CLUAP1: variants seen among roughly 807,000 people sequenced by gnomAD.
The protein encoded by CLUAP1 is intraflagellar transport 38.
Under a neutral mutation model 55.0 loss-of-function variants are expected in CLUAP1, and 50 were observed. That is an observed-to-expected ratio of 0.91 (90% confidence interval 0.72 to 1.15). CLUAP1 has a LOEUF of 1.15. CLUAP1 is among the 50% of genes most tolerant of loss of function. The probability of loss-of-function intolerance (pLI) is 0.00; values close to 1 mark genes in which losing one functional copy is unlikely to be tolerated. For synonymous variants in CLUAP1, 195 were observed against 175.4 expected (o/e 1.11, Z -0.88); for missense variants, 530 against 507.6 (o/e 1.04, Z -0.42).
Position 3,503,498 on chromosome 16 carries a change from T to A in CLUAP1, c.23-1222T>A, listed in dbSNP as rs1235534533. 2.0e-5 allele frequency among the ~76,000 whole-genome samples: 3 copies of A among 152,106 alleles called. No individual in the cohort carries two copies. The East Asian group carries it at 5.8e-4, about 29-fold the overall frequency. ...TTTTAGTAGAGGTGGGGTTTCACCATTTTGGTCAGGCTGGTCTTGAACTCC... is the reference window on the plus strand; with the variant it reads ...TTTTAGTAGAGGTGGGGTTTCACCAATTTGGTCAGGCTGGTCTTGAACTCC... On this transcript the variant is annotated intron_variant, in intron 1 of 11. Transcript: ENST00000576634.
chr16:3,500,725 C>T (rs1372355990), upstream of CLUAP1, among the ~76,000 whole-genome samples: 2 of 152,182 alleles, frequency 1.3e-5, no homozygotes, highest in Non-Finnish European at 2.9e-5. Context: ...ATGGAAAGCG[C>T]CTAGCGCAAT....
intron 10 of CLUAP1, among the ~76,000 whole-genome samples, chr16:3,530,947 C>T (rs1452041724): frequency 6.6e-6 from 1 of 152,138 alleles, no homozygotes; most frequent in African/African-American, 2.4e-5. Context: ...ATTGCCTCTG[C>T]CACTCTCAGT....
At chr16:3,523,698 C>T (rs534371488) in intron 8 of CLUAP1, among the ~76,000 whole-genome samples, 24 of 152,286 alleles carry the variant, frequency 1.6e-4, no homozygotes, top group African/African-American at 5.5e-4. Flanking sequence ...GTCTCGAGTG[C>T]AGATTTAAAA....
chr16:3,503,468 T>A (rs1399135028), intron 1 of CLUAP1, among the ~76,000 whole-genome samples: 1 of 152,204 alleles, frequency 6.6e-6, no homozygotes, highest in East Asian at 1.9e-4. Context: ...CGGCAACTTT[T>A]GTATTTTTAG....
At position 3,538,750 on chromosome 16, in the gene CLUAP1, T is replaced by A. The variant is rs1193312575; in HGVS notation, c.*2479T>A. On this transcript the variant is annotated 3_prime_UTR_variant, in exon 12 of 12. Coordinates refer to ENST00000576634, the MANE Select transcript of CLUAP1 (RefSeq NM_015041.3). ...CCTTGCTTGAGCACGGAAGTTTCTG[T>A]CAACAGCAAGCTTTATGTGCTCTAT... 1.3e-5 allele frequency: 2 copies of A among 152,196 alleles called. No homozygotes were observed. Among genetic ancestry groups the A allele is most frequent in the African/African-American group, 2.4e-5 (1 of 41,438 alleles). 9.4% of individuals were successfully genotyped at this position (152,196 alleles called of 1,614,324 possible).
chr16:3,515,836 A>G (rs2037720049), intron 6 of CLUAP1, among the ~76,000 whole-genome samples: 1 of 152,198 alleles, frequency 6.6e-6, no homozygotes, highest in Admixed American at 6.5e-5. Flanking sequence ...TTTGATAATT[A>G]TCAGTTATTC....
At chr16:3,519,151 A>C (rs1010131198) in intron 6 of CLUAP1, among the ~76,000 whole-genome samples, 9 of 152,142 alleles carry the variant, frequency 5.9e-5, no homozygotes, top group Non-Finnish European at 1.3e-4. Context: ...ACCTGCTTCA[A>C]ATGAACCTTC....
chr16:3,511,908 C>T (rs770952073), intron 4 of CLUAP1, among the ~76,000 whole-genome samples: 57 of 151,246 alleles, frequency 3.8e-4, no homozygotes, highest in Non-Finnish European at 5.9e-4. Flanking sequence ...TGTGGCTGGC[C>T]GGGCACGGTG....
Position 3,536,388 on chromosome 16 carries a change from C to A in CLUAP1, c.*117C>A. ...TTACTAAGCTGGCTGGACTCATGAT[C>A]ACTGAAGCAATACTTATTTCTGCTT... On this transcript the variant is annotated 3_prime_UTR_variant, in exon 12 of 12. Coordinates refer to ENST00000576634, the MANE Select transcript of CLUAP1 (RefSeq NM_015041.3). The A allele has an allele frequency of 1.9e-6, 2 of 1,063,582 alleles. No homozygotes were observed. Among genetic ancestry groups the A allele is most frequent in the Non-Finnish European group, 2.7e-6 (2 of 732,898 alleles). 65.9% of individuals were successfully genotyped at this position (1,063,582 alleles called of 1,614,324 possible). A position where few individuals can be genotyped will look rare whatever the true frequency, so the allele number is the denominator to read the frequency against.
chr16:3,531,977 T>TA (rs2038129578), intron 10 of CLUAP1, among the ~76,000 whole-genome samples: 1 of 152,250 alleles, frequency 6.6e-6, no homozygotes, highest in Non-Finnish European at 1.5e-5. Flanking sequence ...TAGCTGGGGT[T>TA]ACAGGCCCGT....
At chr16:3,509,682 G>A (rs1430340304) in intron 4 of CLUAP1, among the ~76,000 whole-genome samples, 1 of 152,226 alleles carries the variant, frequency 6.6e-6, no homozygotes, top group Non-Finnish European at 1.5e-5. Flanking sequence ...CTAAGAGTGT[G>A]GCCACGCAGG....
chr16:3,515,239 A>C, intron 5 of CLUAP1: 2 of 272,188 alleles, frequency 7.3e-6, no homozygotes, highest in South Asian at 2.2e-4. Context: ...AGAAAAGATA[A>C]TGGATGCTAA....
chr16:3,532,912 G>A lies in CLUAP1; in HGVS notation c.1092+71G>A, dbSNP rs756794532. 8 of 1,556,766 alleles carry A rather than the reference G, an allele frequency of 5.1e-6. No individual in the cohort carries two copies. In the African/African-American group the frequency reaches 8.1e-5, roughly 16 times the overall value. On this transcript the variant is annotated intron_variant, in intron 11 of 11. Transcript: ENST00000576634. ...GCTGTCCCCATAGATGGGAGTGGCT[G>A]AGTTGCTGTCAGCAGCCAGGGAGCC...
intron 8 of CLUAP1, among the ~76,000 whole-genome samples, chr16:3,523,556 G>A (rs895866704): frequency 6.6e-6 from 1 of 152,226 alleles, no homozygotes; most frequent in Non-Finnish European, 1.5e-5. Context: ...CATGAGGCCT[G>A]TGTGGCTGCG....
chr16:3,499,957 C>T (rs556709018), upstream of CLUAP1, among the ~76,000 whole-genome samples: 122 of 152,264 alleles, frequency 8.0e-4, no homozygotes, highest in Non-Finnish European at 1.4e-3. Flanking sequence ...CATAAGGAAG[C>T]CCCCTCTGCT....
At chr16:3,515,411 C>G (rs976696602) in intron 5 of CLUAP1, 97 bp from the exon 6 acceptor site, 2 of 804,972 alleles carry the variant, frequency 2.5e-6, no homozygotes, top group South Asian at 3.4e-5. Flanking sequence ...CAATAAACTT[C>G]GGAGAATCAG....
At chr16:3,512,241 A>T in intron 4 of CLUAP1, 142 bp from the exon 5 acceptor site, 1 of 596,616 alleles carries the variant, frequency 1.7e-6, no homozygotes, top group Non-Finnish European at 3.0e-6. Context: ...TCTGCCTATA[A>T]TCCCAACACT....
chr16:3,515,189 C>G (rs1176624109), intron 5 of CLUAP1, among the ~76,000 whole-genome samples: 1 of 148,432 alleles, frequency 6.7e-6, no homozygotes, highest in African/African-American at 2.5e-5. Context: ...GACCCTATCT[C>G]TATTTAAAAA....
At chr16:3,524,126 C>T (rs2037892744) in intron 8 of CLUAP1, among the ~76,000 whole-genome samples, 1 of 151,456 alleles carries the variant, frequency 6.6e-6, no homozygotes, top group African/African-American at 2.4e-5. Flanking sequence ...TAATGAGACC[C>T]TGTCTCTACA....
Sources: allele counts gnomAD v4.1 joint callset (sites outside exome capture counted in the v4.1 genomes callset), GRCh38; gene constraint gnomAD v4.1.1; transcripts MANE v1.5; gene names NCBI Gene and HGNC (gene_info 2026-07-23, HGNC 2026-07-21).